RNF150: variants seen among roughly 807,000 people sequenced by gnomAD.
RNF150 encodes the protein ring finger protein 150.
RNF150 carries 24 observed loss-of-function variants against 39.3 expected under a neutral mutation model. The observed-to-expected ratio is 0.61, with a 90% CI of 0.44 to 0.86. The LOEUF (loss-of-function observed/expected upper bound fraction) is 0.86, where lower values mean the gene tolerates loss of function less well. RNF150 is among the 40% of genes least tolerant of loss of function. The pLI, the probability that RNF150 is intolerant of heterozygous loss-of-function variation, is 0.00. For synonymous variants in RNF150, 255 were observed against 227.3 expected (o/e 1.12, Z -1.10); for missense variants, 502 against 587.8 (o/e 0.85, Z 1.51).
At chr4:140,945,584 CTACATATA>C (rs993531322) in intron 4 of RNF150, among the ~76,000 whole-genome samples, 44 of 146,844 alleles carry the variant, frequency 3.0e-4, no homozygotes, top group African/African-American at 9.9e-4. Context: ...CATATATATA[CTACATATA>C]TACATATATA....
intron 1 of RNF150, among the ~76,000 whole-genome samples, chr4:141,159,935 T>C (rs1727482264): frequency 6.6e-6 from 1 of 152,142 alleles, no homozygotes; most frequent in Admixed American, 6.5e-5. Context: ...AACTCCCTAC[T>C]TTTGTCTGTT....
chr4:141,044,771 G>GCACACAGACACACACACACA (rs1553940751), intron 1 of RNF150, among the ~76,000 whole-genome samples: 1 of 146,582 alleles, frequency 6.8e-6, no homozygotes, highest in African/African-American at 2.6e-5. Context: ...GGTGTGCAGC[G>GCACACAGACACACACACACA]CACACACACA....
chr4:141,065,545 T>C (rs1244987942), intron 1 of RNF150, among the ~76,000 whole-genome samples: 1 of 86,710 alleles, frequency 1.2e-5, no homozygotes, highest in African/African-American at 4.0e-5. Context: ...GCAAATTTTA[T>C]TTATTTGTAA....
At chr4:140,949,700 A>T (rs1732471176) in intron 2 of RNF150, among the ~76,000 whole-genome samples, 1 of 150,900 alleles carries the variant, frequency 6.6e-6, no homozygotes, top group Non-Finnish European at 1.5e-5. Context: ...AAATGAGTTT[A>T]GTAATTTGCC....
intron 1 of RNF150, among the ~76,000 whole-genome samples, chr4:141,155,775 C>T (rs1439893982): frequency 6.6e-6 from 1 of 152,172 alleles, no homozygotes; most frequent in Non-Finnish European, 1.5e-5. Context: ...GGTGCGTGGT[C>T]TCTCACCAGC....
At chr4:140,890,974 T>C (rs752162033) in intron 6 of RNF150, among the ~76,000 whole-genome samples, 2 of 152,162 alleles carry the variant, frequency 1.3e-5, no homozygotes, top group Non-Finnish European at 2.9e-5. Context: ...ATAAGAGAAA[T>C]GAAGAGGTGT....
intron 1 of RNF150, among the ~76,000 whole-genome samples, chr4:141,187,482 G>A (rs1272116385): frequency 6.6e-6 from 1 of 152,154 alleles, no homozygotes; most frequent in Non-Finnish European, 1.5e-5. Context: ...TTGTGTGGGA[G>A]TCTAAGTCTC....
chr4:141,076,008 T>C (rs948387404), intron 1 of RNF150, among the ~76,000 whole-genome samples: 7 of 152,206 alleles, frequency 4.6e-5, no homozygotes, highest in Non-Finnish European at 1.0e-4. Flanking sequence ...ATCTGATAGA[T>C]AAGTGATCAT....
Position 140,886,207 on chromosome 4 carries a change from A to AAG in RNF150, c.1199-17829_1199-17828insCT, listed in dbSNP as rs1553988337. On this transcript the variant is annotated intron_variant, in intron 6 of 6. Transcript: ENST00000515673. ...CTCCATCACAAAAAAAAAAAAAAAAAAAAAGAAAAGTATGTACATCTATTT... is the reference window on the plus strand; with the variant it reads ...CTCCATCACAAAAAAAAAAAAAAAAAAGAAAAGAAAAGTATGTACATCTATTT... 2.6e-4 allele frequency among the ~76,000 whole-genome samples: 39 copies of AAG among 151,908 alleles called. No homozygotes were observed. In the East Asian group the frequency reaches 7.0e-3, roughly 27 times the overall value.
intron 1 of RNF150, among the ~76,000 whole-genome samples, chr4:141,093,380 G>C (rs1175367254): frequency 5.0e-4 from 29 of 58,258 alleles, no homozygotes; most frequent in East Asian, 1.4e-3. Flanking sequence ...AAAAAAAAAG[G>C]GGGGGGAAAG....
chr4:141,049,778 TTAAA>T (rs1736709622), intron 1 of RNF150, among the ~76,000 whole-genome samples: 1 of 148,260 alleles, frequency 6.7e-6, no homozygotes, highest in Non-Finnish European at 1.5e-5. Flanking sequence ...TATGTGATGC[TTAAA>T]TAAAAACTAA....
At chr4:140,885,855 C>T (rs1397831989) in intron 6 of RNF150, among the ~76,000 whole-genome samples, 9 of 152,180 alleles carry the variant, frequency 5.9e-5, no homozygotes, top group African/African-American at 2.2e-4. Context: ...CCGCCTGCCT[C>T]AGCCTTCCAA....
intron 4 of RNF150, among the ~76,000 whole-genome samples, chr4:140,929,945 G>A (rs1160992792): frequency 6.6e-6 from 1 of 152,106 alleles, no homozygotes; most frequent in East Asian, 1.9e-4. Context: ...CAAATAACTT[G>A]AGTTCAGGAG....
At chr4:141,065,095 C>A (rs1235774428) in intron 1 of RNF150, among the ~76,000 whole-genome samples, 1 of 152,114 alleles carries the variant, frequency 6.6e-6, no homozygotes, top group Admixed American at 6.6e-5. Flanking sequence ...GATCTCCTGA[C>A]CTCAGGTGAT....
chr4:140,870,668 C>T (rs959024764), intron 6 of RNF150, among the ~76,000 whole-genome samples: 4 of 152,086 alleles, frequency 2.6e-5, no homozygotes, highest in Admixed American at 1.3e-4. Context: ...CACAGCACAG[C>T]TTCACTCTGG....
chr4:141,023,064 TGA>T (rs978097076), intron 1 of RNF150, among the ~76,000 whole-genome samples: 7 of 152,180 alleles, frequency 4.6e-5, no homozygotes, highest in African/African-American at 1.7e-4. Context: ...TTAGAAATAA[TGA>T]GAGAAAATTT....
chr4:140,962,265 G>A (rs1421731453), intron 2 of RNF150, among the ~76,000 whole-genome samples: 2 of 151,604 alleles, frequency 1.3e-5, no homozygotes, highest in African/African-American at 4.8e-5. Flanking sequence ...AGCTATGTGT[G>A]ACTATTTAAA....
chr4:141,083,081 CTA>C (rs1484755154), intron 1 of RNF150, among the ~76,000 whole-genome samples: 2 of 152,100 alleles, frequency 1.3e-5, no homozygotes, highest in Non-Finnish European at 2.9e-5. Flanking sequence ...CAAATGTATC[CTA>C]TGTTTTCTGA....
chr4:141,172,778 A>C (rs1166259168), intron 1 of RNF150, among the ~76,000 whole-genome samples: 2 of 152,216 alleles, frequency 1.3e-5, no homozygotes. Context: ...TAATCCCAGC[A>C]CTTTGGAAGG....
Sources: gnomAD v4.1 joint callset for allele counts (sites outside exome capture counted in the v4.1 genomes callset) on GRCh38, gnomAD v4.1.1 for gene constraint, MANE v1.5 for transcripts, NCBI Gene and HGNC (gene_info 2026-07-23, HGNC 2026-07-21) for gene names.